The following IL1RAPL2 variants were observed in gnomAD, a reference collection of about 807,000 sequenced individuals.
IL1RAPL2 encodes the protein interleukin 1 receptor accessory protein like 2.
In IL1RAPL2, 3 loss-of-function variants were observed where a neutral mutation model predicts 44.1. The observed-to-expected ratio is 0.07, with a 90% CI of 0.03 to 0.18. The LOEUF is 0.18. Among genes scored for constraint, IL1RAPL2 ranks in the 10% least tolerant of loss-of-function variants. The pLI, the probability that IL1RAPL2 is intolerant of heterozygous loss-of-function variation, is 1.00. For synonymous variants in IL1RAPL2, 181 were observed against 178.8 expected (o/e 1.01, Z -0.10); for missense variants, 391 against 496.4 (o/e 0.79, Z 2.02).
At chrX:105,285,322 T>C (rs1270485038) in intron 5 of IL1RAPL2, among the ~76,000 whole-genome samples, 2 of 111,926 alleles carry the variant, frequency 1.8e-5, no homozygotes, top group South Asian at 3.7e-4. Context: ...ACTTGAGAAA[T>C]AGCCAATGTC....
At chrX:105,764,327 G>A (rs890209625) in intron 10 of IL1RAPL2, among the ~76,000 whole-genome samples, 4 of 111,722 alleles carry the variant, frequency 3.6e-5, no homozygotes, top group African/African-American at 9.8e-5. Context: ...ATAGATGGAT[G>A]AAAGGGGAGA....
intron 2 of IL1RAPL2, among the ~76,000 whole-genome samples, chrX:104,978,798 C>T (rs1162559502): frequency 9.0e-6 from 1 of 111,445 alleles, no homozygotes; most frequent in Non-Finnish European, 1.9e-5. Context: ...ATTTATAGAA[C>T]CTATATGAAG....
At chrX:104,616,618 G>A (rs895128578) in intron 1 of IL1RAPL2, among the ~76,000 whole-genome samples, 1 of 112,003 alleles carries the variant, frequency 8.9e-6, no homozygotes, top group African/African-American at 3.2e-5. Context: ...TGATGGATCA[G>A]CTGGCACTAC....
intron 1 of IL1RAPL2, among the ~76,000 whole-genome samples, chrX:104,567,756 G>GA (rs1372303396): frequency 8.9e-6 from 1 of 112,498 alleles, no homozygotes; most frequent in Non-Finnish European, 1.9e-5. Flanking sequence ...ACTAGAGTGG[G>GA]AGAGTAGGGA....
intron 5 of IL1RAPL2, among the ~76,000 whole-genome samples, chrX:105,337,570 G>A (rs2147697320): frequency 8.9e-6 from 1 of 111,840 alleles, no homozygotes; most frequent in South Asian, 3.7e-4. Flanking sequence ...GAAGGGGGGA[G>A]GGCCCGTGAT....
At chrX:104,746,860 A>G (rs1932183576) in intron 2 of IL1RAPL2, among the ~76,000 whole-genome samples, 1 of 111,233 alleles carries the variant, frequency 9.0e-6, no homozygotes, top group Non-Finnish European at 1.9e-5. Flanking sequence ...ATTCAATTGG[A>G]GAAAAAGTGA....
At chrX:104,838,183 T>C (rs928977562) in intron 2 of IL1RAPL2, among the ~76,000 whole-genome samples, 1 of 111,982 alleles carries the variant, frequency 8.9e-6, no homozygotes, top group Non-Finnish European at 1.9e-5. Flanking sequence ...TTTGTTCTTT[T>C]TGCTTAGAAT....
chrX:105,490,810 T>C (rs2036311446), intron 6 of IL1RAPL2, among the ~76,000 whole-genome samples: 1 of 111,945 alleles, frequency 8.9e-6, no homozygotes, highest in Non-Finnish European at 1.9e-5. Flanking sequence ...CTCAATCTAG[T>C]GGGGAAACAG....
At chrX:104,622,604 C>G (rs1336716747) in intron 1 of IL1RAPL2, among the ~76,000 whole-genome samples, 2 of 110,695 alleles carry the variant, frequency 1.8e-5, no homozygotes, top group Non-Finnish European at 3.8e-5. Context: ...TTTTCACTTG[C>G]CTTACTTCAC....
chrX:104,593,844 T>C (rs1255853190), intron 1 of IL1RAPL2, among the ~76,000 whole-genome samples: 2 of 112,570 alleles, frequency 1.8e-5, no homozygotes, highest in African/African-American at 6.4e-5. Flanking sequence ...ATAAATTTCC[T>C]TTAGTCTTTG....
In IL1RAPL2 at chrX:105,439,437, A is replaced by G. The variant is rs766312241; in HGVS notation, c.698-44876A>G. 7.9e-5 allele frequency among the ~76,000 whole-genome samples: 8 copies of G among 101,453 alleles called. No homozygotes were observed. In the East Asian group the frequency reaches 9.7e-4, roughly 12 times the overall value. 88.1% of individuals were successfully genotyped at this position (101,453 alleles called of 115,157 possible). A position where few individuals can be genotyped will look rare whatever the true frequency, so the allele number is the denominator to read the frequency against. On this transcript the variant is annotated intron_variant, in intron 5 of 10. Coordinates refer to ENST00000372582, the MANE Select transcript of IL1RAPL2 (RefSeq NM_017416.2). ...TTTGGCATTTTTTTTAGACTCTACT[A>G]TGATTCTTGTTAATCCTACTATATT... is the stretch of plus-strand genomic sequence containing the variant.
intron 2 of IL1RAPL2, among the ~76,000 whole-genome samples, chrX:104,812,258 T>C (rs1376828881): frequency 9.0e-6 from 1 of 111,593 alleles, no homozygotes; most frequent in African/African-American, 3.3e-5. Flanking sequence ...ACACTATTAG[T>C]GCTTACAATA....
chrX:105,171,304 A>G, intron 2 of IL1RAPL2, among the ~76,000 whole-genome samples: 1 of 110,866 alleles, frequency 9.0e-6, no homozygotes, highest in Non-Finnish European at 1.9e-5. Context: ...GGCCCATGGT[A>G]GGAGAAGTTT....
chrX:104,847,673 C>T (rs1047294573), intron 2 of IL1RAPL2, among the ~76,000 whole-genome samples: 3 of 111,655 alleles, frequency 2.7e-5, no homozygotes, highest in Non-Finnish European at 3.8e-5. Flanking sequence ...CTTGGAAATG[C>T]GGGTTCTTTT....
chrX:105,424,771 TA>T (rs947285689), intron 5 of IL1RAPL2, among the ~76,000 whole-genome samples: 1 of 108,135 alleles, frequency 9.2e-6, no homozygotes, highest in African/African-American at 3.4e-5. Context: ...ATGAATAAAA[TA>T]AAAAATAAAA....
intron 1 of IL1RAPL2, among the ~76,000 whole-genome samples, chrX:104,656,088 T>C (rs894662028): frequency 9.0e-6 from 1 of 111,255 alleles, no homozygotes; most frequent in East Asian, 2.8e-4. Flanking sequence ...ATCTTGCTAG[T>C]GGTCTATCAA....
chrX:104,863,153 T>G (rs1051813055), intron 2 of IL1RAPL2, among the ~76,000 whole-genome samples: 15 of 111,717 alleles, frequency 1.3e-4, no homozygotes, highest in African/African-American at 4.2e-4. Context: ...ATTAATTTTC[T>G]GTACCCCAGA....
At chrX:104,646,895 C>T (rs1234155227) in intron 1 of IL1RAPL2, among the ~76,000 whole-genome samples, 1 of 111,522 alleles carries the variant, frequency 9.0e-6, no homozygotes, top group Non-Finnish European at 1.9e-5. Flanking sequence ...TGACCGAAGG[C>T]AAAGAGGTGT....
At chrX:104,709,173 G>A (rs768133769) in intron 2 of IL1RAPL2, among the ~76,000 whole-genome samples, 2 of 109,319 alleles carry the variant, frequency 1.8e-5, no homozygotes, top group African/African-American at 3.3e-5. Context: ...AAACACTGCT[G>A]TAGCAGCTCA....
Sources: allele counts gnomAD v4.1 joint callset (sites outside exome capture counted in the v4.1 genomes callset), GRCh38; gene constraint gnomAD v4.1.1; transcripts MANE v1.5; gene names NCBI Gene and HGNC (gene_info 2026-07-23, HGNC 2026-07-21).